The following SH3TC2 variants were observed in gnomAD, a reference collection of about 807,000 sequenced individuals.
SH3TC2 encodes the protein SH3 domain and tetratricopeptide repeats 2.
SH3TC2 carries 87 observed loss-of-function variants against 124.5 expected under a neutral mutation model. The observed-to-expected ratio is 0.70, with a 90% confidence interval of 0.59 to 0.84. The LOEUF is 0.84. Among genes scored for constraint, SH3TC2 ranks in the 40% least tolerant of loss-of-function variants. SH3TC2 has a pLI of 0.00. For synonymous variants in SH3TC2, 634 were observed against 628.5 expected, an observed-to-expected ratio of 1.01 and a Z score of -0.13; for missense variants, 1,536 against 1,566.4, an observed-to-expected ratio of 0.98 and a Z score of 0.33.
At chr5:149,057,753 A>C (rs1245106698) in intron 1 of SH3TC2, 3 of 152,198 alleles carry the variant, frequency 2.0e-5, no homozygotes, top group Non-Finnish European at 4.4e-5. Context: ...GCAATCAGAC[A>C]GTCCTGGACT....
chr5:149,050,435 A>G (rs1244435352), intron 2 of SH3TC2, among the ~76,000 whole-genome samples: 1 of 152,196 alleles, frequency 6.6e-6, no homozygotes, highest in African/African-American at 2.4e-5. Context: ...AAACAGCATC[A>G]GGGTGGAAAA....
At chr5:149,055,125 T>C (rs952359525) in intron 1 of SH3TC2, among the ~76,000 whole-genome samples, 1 of 152,192 alleles carries the variant, frequency 6.6e-6, no homozygotes, top group Non-Finnish European at 1.5e-5. Flanking sequence ...AGTGATTTCC[T>C]AAACAGGATG....
At chr5:149,030,166 C>A (rs1344037959) in intron 9 of SH3TC2, among the ~76,000 whole-genome samples, 1 of 152,226 alleles carries the variant, frequency 6.6e-6, no homozygotes, top group Non-Finnish European at 1.5e-5. Context: ...CTCTTCTCTT[C>A]TGGCCAAGAG....
At position 149,027,760 on chromosome 5, in the gene SH3TC2, G is replaced by T. The variant is rs80338926; in HGVS notation, c.1972C>A (p.Arg658Ser). ...GGGTGTCCAGAGAGGAGCTGCAGGC[G>T]CTCGGCAAAGGGCAGGACCTCCTCG... ...RHEEVLPFAE[R>S]LQLLSGHPPA... is the part of the protein sequence containing the mutation. The change falls in exon 11 of 17, where the codon CGC (arginine) becomes AGC (serine). Residue 658 changes from arginine (R) to serine (S), a missense_variant. Coordinates refer to ENST00000515425, the MANE Select transcript of SH3TC2 (RefSeq NM_024577.4). The T allele has an allele frequency of 6.2e-7, 1 of 1,613,956 alleles. No individual in the cohort carries two copies. The highest frequency in any genetic ancestry group is 1.1e-5 in the South Asian group (1 of 91,076).
At position 149,006,956 on chromosome 5, in the gene SH3TC2, C is replaced by A. The variant is rs886060195; in HGVS notation, c.3600G>T (p.Leu1200=). 1.2e-6 allele frequency: 2 copies of A among 1,614,156 alleles called. No homozygotes were observed. Among genetic ancestry groups the A allele is most frequent in the African/African-American group, 2.7e-5 (2 of 75,032 alleles). The change falls in exon 16 of 17, where the codon CTG becomes CTT. Residue 1200 remains leucine, a synonymous_variant. Coordinates refer to ENST00000515425, the MANE Select transcript of SH3TC2 (RefSeq NM_024577.4). The part of the protein sequence containing the change: ...LKTLSLCPPW[L]QSPKEALYYA... ...AGTACAGGGCCTCCTTGGGACTCTG[C>A]AGCCATGGTGGACAGAGGGACAGGG...
At position 148,999,114 on chromosome 5, in the gene SH3TC2, C is replaced by T. The variant is rs1352326398; in HGVS notation, c.*5597G>A. Among the ~76,000 whole-genome samples the T allele has an allele frequency of 6.6e-6, 1 of 152,150 alleles. No homozygotes were observed. Among genetic ancestry groups the T allele is most frequent in the Non-Finnish European group, 1.5e-5 (1 of 68,036 alleles). ...AGTCTGAGCAGAGGAATAATTGAAG[C>T]TTAAAGAGGTAAAGTAAGTTGCTCA... is the stretch of plus-strand genomic sequence containing the variant. On this transcript the variant is annotated 3_prime_UTR_variant, in exon 17 of 17. Transcript: ENST00000515425.
intron 1 of SH3TC2, 110 bp from the exon 2 acceptor site, chr5:149,052,350 G>A (rs565834606): frequency 2.6e-6 from 2 of 776,652 alleles, no homozygotes; most frequent in South Asian, 1.4e-5. Context: ...AGGATTAGTG[G>A]CATGGAAGAA....
In SH3TC2 at chr5:148,984,199, G is replaced by T. The variant is rs76577532; in HGVS notation, c.*20512C>A. 4.3e-3 allele frequency among the ~76,000 whole-genome samples: 652 copies of T among 152,126 alleles called. 5 individuals are homozygous for T. The highest frequency in any genetic ancestry group is 0.015 in the African/African-American group (631 of 41,512). On this transcript the variant is annotated 3_prime_UTR_variant, in exon 17 of 17. Coordinates refer to ENST00000515425, the MANE Select transcript of SH3TC2 (RefSeq NM_024577.4). Reference sequence around the variant, plus strand: ...TTAGTTCTCTTGATGGTTTCCCATAGATCCCATAGACTTCTTTTATTCTTT... The same window carrying T: ...TTAGTTCTCTTGATGGTTTCCCATATATCCCATAGACTTCTTTTATTCTTT...
Position 149,027,077 on chromosome 5 carries a change from C to T in SH3TC2, c.2655G>A (p.Leu885=), listed in dbSNP as rs1754078210. The T allele has an allele frequency of 6.2e-7, 1 of 1,614,170 alleles. No individual in the cohort carries two copies. Among genetic ancestry groups the T allele is most frequent in the East Asian group, 2.2e-5 (1 of 44,878 alleles). Residue 885 remains leucine (L), a synonymous_variant, in exon 11 of 17, where the codon CTG becomes CTA. Coordinates refer to ENST00000515425, the MANE Select transcript of SH3TC2 (RefSeq NM_024577.4). ...GATGCTGAGCCCAGGACTTAAGGCT[C>T]AGGTGGCCAAGATTGGCCATAGCCA... ...QAVAMANLGH[L]SLKSWAQHPA...
chr5:149,046,930 CT>C (rs914412321), intron 3 of SH3TC2: 28 of 152,338 alleles, frequency 1.8e-4, no homozygotes, highest in African/African-American at 6.5e-4. Flanking sequence ...CGTTTTCCCC[CT>C]GAAAAACCAG....
Position 149,026,962 on chromosome 5 carries a change from G to T in SH3TC2, c.2770C>A (p.Leu924Ile). 1 of 1,614,158 alleles carries T rather than the reference G, an allele frequency of 6.2e-7. No homozygotes were observed. Among genetic ancestry groups the T allele is most frequent in the South Asian group, 1.1e-5 (1 of 91,082 alleles). Residue 924 changes from leucine to isoleucine, a missense_variant, in exon 11 of 17, where the codon CTC (leucine) becomes ATC (isoleucine). Physicochemically the swap from Leu to Ile is conservative, Grantham distance 5. Transcript: ENST00000515425. ...GACACCAGAACTTGGGCCAACCAGAGAAACACCTGTACTAATTCCATGTCT... is the reference window on the plus strand; with the variant it reads ...GACACCAGAACTTGGGCCAACCAGATAAACACCTGTACTAATTCCATGTCT... The part of the protein sequence containing the change: ...ETDMELVQVF[L>I]WLAQVLVSGH...
rs1489505012 is a variant in SH3TC2 at position 149,028,386 on chromosome 5, T to C, written c.1346A>G (p.Asp449Gly). The change falls in exon 11 of 17, where the codon GAC becomes GGC. Residue 449 changes from aspartate to glycine, a missense_variant. Physicochemically the swap from Asp to Gly is moderately conservative, Grantham distance 94. Around this residue, in one of 3 missense-constraint regions of SH3TC2, gnomAD observed 1,102 missense variants for 1,098.6 expected, o/e 1.00. Coordinates refer to ENST00000515425, the MANE Select transcript of SH3TC2 (RefSeq NM_024577.4). ...YRLPEPDDLD[D>G]PELLMDLSTG... is the part of the protein sequence containing the mutation. Reference sequence around the variant, plus strand: ...GCTTAGGTCCATGAGCAGTTCCGGGTCATCAAGGTCATCAGGCTCCGGCAG... The same window carrying C: ...GCTTAGGTCCATGAGCAGTTCCGGGCCATCAAGGTCATCAGGCTCCGGCAG... The C allele has an allele frequency of 8.1e-6, 13 of 1,614,070 alleles. No homozygotes were observed. The highest frequency in any genetic ancestry group is 1.1e-5 in the Non-Finnish European group (13 of 1,180,012).
intron 1 of SH3TC2, among the ~76,000 whole-genome samples, chr5:149,055,444 A>AC (rs1754629691): frequency 6.6e-6 from 1 of 152,208 alleles, no homozygotes; most frequent in African/African-American, 2.4e-5. Flanking sequence ...TCATCAGGGA[A>AC]ATGAAAATTA....
Position 148,985,429 on chromosome 5 carries a change from GT to G in SH3TC2, c.*19281del, listed in dbSNP as rs1753317474. On this transcript the variant is annotated 3_prime_UTR_variant, in exon 17 of 17. Coordinates refer to ENST00000515425, the MANE Select transcript of SH3TC2 (RefSeq NM_024577.4). ...CACAGATCTGTTTGCTGATCCTGTA[GT>G]TTTTAAAATGCCATATGGATTATAT... 1.3e-5 allele frequency among the ~76,000 whole-genome samples: 2 copies of G among 152,214 alleles called. No homozygotes were observed. The highest frequency in any genetic ancestry group is 2.9e-5 in the Non-Finnish European group (2 of 67,990).
At position 149,052,327 on chromosome 5, in the gene SH3TC2, A is replaced by G. The variant is rs145731349; in HGVS notation, c.53-87T>C. 4.2e-4 allele frequency: 426 copies of G among 1,003,278 alleles called. 2 individuals carry two copies. Among genetic ancestry groups the G allele is most frequent in the Non-Finnish European group, 1.7e-5 (11 of 631,418 alleles). The allele number at this position is 1,003,278 out of a possible 1,614,324, so 62.1% of individuals were successfully genotyped here. ...GCAAGGCTGTAGTTTTGGTCAAGTG[A>G]CAAATTTTTTCCAGGATTAGTGGCA... is the stretch of plus-strand genomic sequence containing the variant. On this transcript the variant is annotated intron_variant, in intron 1 of 16. Transcript: ENST00000515425.
At chr5:149,056,972 G>A (rs1754659327) in intron 1 of SH3TC2, among the ~76,000 whole-genome samples, 1 of 152,112 alleles carries the variant, frequency 6.6e-6, no homozygotes, top group Non-Finnish European at 1.5e-5. Flanking sequence ...AGTTATTGCT[G>A]AGTCATTTTA....
chr5:149,062,979 C>T lies in SH3TC2; in HGVS notation c.44G>A (p.Arg15Gln), dbSNP rs758276468. ...CCCCCTGGGAAACTCACCTGGGCCC[C>T]GGGTCAGACTCCGCTCCCTGGGGAT... is the stretch of plus-strand genomic sequence containing the variant. ...FCIPRERSLT[R>Q]GPGKETPSKD... The change falls in exon 1 of 17, where the codon CGG becomes CAG. Residue 15 changes from arginine to glutamine, a missense_variant. Around this residue, in one of 3 missense-constraint regions of SH3TC2, gnomAD observed 1,102 missense variants for 1,098.6 expected, o/e 1.00. Transcript: ENST00000515425. The T allele has an allele frequency of 1.9e-5, 30 of 1,595,466 alleles. No individual in the cohort carries two copies. In the African/African-American group the frequency reaches 2.7e-4, roughly 14 times the overall value.
chr5:148,985,201 A>G lies in SH3TC2; in HGVS notation c.*19510T>C, dbSNP rs1469866372. ...TTAAAATCAAAACACACGCAAAAATATATTACTACTCATTTGAGGGTACCC... is the reference window on the plus strand; with the variant it reads ...TTAAAATCAAAACACACGCAAAAATGTATTACTACTCATTTGAGGGTACCC... On this transcript the variant is annotated 3_prime_UTR_variant, in exon 17 of 17. Coordinates refer to ENST00000515425, the MANE Select transcript of SH3TC2 (RefSeq NM_024577.4). Among the ~76,000 whole-genome samples, 2 of 151,776 alleles carry G rather than the reference A, an allele frequency of 1.3e-5. No homozygotes were observed. Among genetic ancestry groups the G allele is most frequent in the Non-Finnish European group, 2.9e-5 (2 of 67,816 alleles).
chr5:149,060,526 G>T (rs1361226193), intron 1 of SH3TC2, among the ~76,000 whole-genome samples: 1 of 152,180 alleles, frequency 6.6e-6, no homozygotes, highest in Non-Finnish European at 1.5e-5. Flanking sequence ...TCTGGCAGCT[G>T]TCCAGTGCTC....
Sources: gnomAD v4.1 joint callset for allele counts (sites outside exome capture counted in the v4.1 genomes callset) on GRCh38, gnomAD v4.1.1 for gene constraint, gnomAD v4.1.1 regional missense constraint, MANE v1.5 for transcripts, NCBI Gene and HGNC (gene_info 2026-07-23, HGNC 2026-07-21) for gene names.